CREB3L2: variants seen among roughly 807,000 people sequenced by gnomAD.
CREB3L2 encodes cyclic AMP-responsive element-binding protein 3-like protein 2.
In CREB3L2, 23 loss-of-function variants were observed where a neutral mutation model predicts 57.2. The observed-to-expected ratio is 0.40, with a 90% CI of 0.29 to 0.57. The LOEUF (loss-of-function observed/expected upper bound fraction) is 0.57. Among genes scored for constraint, CREB3L2 ranks in the 20% least tolerant of loss-of-function variants. The pLI, the probability that CREB3L2 is intolerant of heterozygous loss-of-function variation, is 0.42. For synonymous variants in CREB3L2, 268 were observed against 265.1 expected, an observed-to-expected ratio of 1.01 and a Z score of -0.11; for missense variants, 628 against 634.7, an observed-to-expected ratio of 0.99 and a Z score of 0.11.
chr7:137,919,413 C>A (rs1371875917), intron 2 of CREB3L2, among the ~76,000 whole-genome samples: 1 of 152,018 alleles, frequency 6.6e-6, no homozygotes, highest in African/African-American at 2.4e-5. Flanking sequence ...CTCAGGTGAC[C>A]CACCCGCCTC....
At chr7:137,908,090 G>A (rs1157219145) in intron 5 of CREB3L2, among the ~76,000 whole-genome samples, 162 bp downstream of exon 5, 1 of 152,222 alleles carries the variant, frequency 6.6e-6, no homozygotes, top group African/African-American at 2.4e-5. Context: ...TTCCTAGAAA[G>A]TGTTCTTTAG....
chr7:137,975,742 G>A (rs1041504408), intron 1 of CREB3L2, among the ~76,000 whole-genome samples: 1 of 152,172 alleles, frequency 6.6e-6, no homozygotes, highest in Non-Finnish European at 1.5e-5. Context: ...TAAAAAAGAA[G>A]TAAATAAATT....
chr7:137,888,429 C>G (rs1429952248), intron 8 of CREB3L2, among the ~76,000 whole-genome samples: 1 of 152,086 alleles, frequency 6.6e-6, no homozygotes, highest in Non-Finnish European at 1.5e-5. Flanking sequence ...AGGACTTCCC[C>G]AGAAAATTCC....
chr7:137,980,687 A>G lies in CREB3L2; in HGVS notation c.102+20917T>C, dbSNP rs115066714. Among the ~76,000 whole-genome samples the G allele has an allele frequency of 4.7e-3, 710 of 152,324 alleles. 6 individuals carry two copies. Among genetic ancestry groups the G allele is most frequent in the African/African-American group, 0.016 (678 of 41,574 alleles). On this transcript the variant is annotated intron_variant, in intron 1 of 11. Transcript: ENST00000330387. The surrounding 1 kb of genome is among the most constrained non-coding windows in gnomAD (Gnocchi z 4.3). ...ATGGGATTTCTCCATACAGGCTCCA[A>G]AGCTGCTAGAGCTATAGGCTGAAGG...
At chr7:137,896,034 G>A (rs138440612) in intron 8 of CREB3L2, among the ~76,000 whole-genome samples, 107 of 152,334 alleles carry the variant, frequency 7.0e-4, no homozygotes, top group Non-Finnish European at 8.4e-4. Context: ...ATGGGGTGAT[G>A]TGAGTAAAGG....
At chr7:137,949,237 C>T (rs908617436) in intron 1 of CREB3L2, among the ~76,000 whole-genome samples, 1 of 152,220 alleles carries the variant, frequency 6.6e-6, no homozygotes, top group Admixed American at 6.5e-5. Context: ...ATCTCTGCCA[C>T]AGTGAGGCTG....
intron 1 of CREB3L2, among the ~76,000 whole-genome samples, chr7:137,981,088 C>T (rs1801702971): frequency 6.6e-6 from 1 of 152,118 alleles, no homozygotes; most frequent in African/African-American, 2.4e-5. Flanking sequence ...GAGTTCAGGT[C>T]CTCACACCTG....
Position 137,958,819 on chromosome 7 carries a change from C to T in CREB3L2, c.103-30453G>A, listed in dbSNP as rs889369352. 3.3e-5 allele frequency among the ~76,000 whole-genome samples: 5 copies of T among 152,316 alleles called. No individual in the cohort carries two copies. The East Asian group carries it at 9.7e-4, about 29-fold the overall frequency. Reference sequence around the variant, plus strand: ...ATTCTGCCTGACCACTGCTTAGACACAGGTGAGTGGATCTGGTCAGGATTA... The same window carrying T: ...ATTCTGCCTGACCACTGCTTAGACATAGGTGAGTGGATCTGGTCAGGATTA... On this transcript the variant is annotated intron_variant, in intron 1 of 11. Transcript: ENST00000330387.
At chr7:137,996,511 C>A (rs1482778238) in intron 1 of CREB3L2, among the ~76,000 whole-genome samples, 1 of 152,246 alleles carries the variant, frequency 6.6e-6, no homozygotes, top group African/African-American at 2.4e-5. Flanking sequence ...CCTTCAGAAC[C>A]TGGCCTGGGG....
chr7:137,931,031 A>G (rs572537223), intron 1 of CREB3L2, among the ~76,000 whole-genome samples: 2 of 152,158 alleles, frequency 1.3e-5, no homozygotes, highest in Admixed American at 6.5e-5. Flanking sequence ...CAGGAATTCT[A>G]AACCAGCCTG....
At chr7:137,909,845 G>T (rs2076681224) in intron 4 of CREB3L2, among the ~76,000 whole-genome samples, 1 of 152,144 alleles carries the variant, frequency 6.6e-6, no homozygotes, top group African/African-American at 2.4e-5. Context: ...GGACCCAGCG[G>T]GAGATCATTG....
Position 137,936,339 on chromosome 7 carries a change from T to C in CREB3L2, c.103-7973A>G, listed in dbSNP as rs111402359. ...TGTGCACAGGCTAACAGAAGAGTGC[T>C]GCACCAGACCAGTTAGGGACAGGAG... On this transcript the variant is annotated intron_variant, in intron 1 of 11. Coordinates refer to ENST00000330387, the MANE Select transcript of CREB3L2 (RefSeq NM_194071.4). Among the ~76,000 whole-genome samples, 1,166 of 152,308 alleles carry C rather than the reference T, an allele frequency of 7.7e-3. 16 individuals are homozygous for C. The highest frequency in any genetic ancestry group is 0.027 in the African/African-American group (1,103 of 41,560).
intron 1 of CREB3L2, among the ~76,000 whole-genome samples, chr7:137,972,522 A>C (rs1366253308): frequency 6.7e-6 from 1 of 150,206 alleles, no homozygotes; most frequent in African/African-American, 2.4e-5. Context: ...TCTTTTTGTA[A>C]TGAACAATAA....
intron 1 of CREB3L2, among the ~76,000 whole-genome samples, chr7:137,944,273 G>A (rs1037991193): frequency 2.0e-5 from 3 of 150,222 alleles, no homozygotes; most frequent in African/African-American, 7.4e-5. Flanking sequence ...TGTGTGGAAC[G>A]AAGGTGCAGC....
At chr7:137,883,739 T>C (rs1357832925) in intron 10 of CREB3L2, among the ~76,000 whole-genome samples, 2 of 151,716 alleles carry the variant, frequency 1.3e-5, no homozygotes, top group South Asian at 2.1e-4. Flanking sequence ...CTTACTATAG[T>C]GTATTCAGCT....
chr7:137,897,397 T>G (rs1472373950), intron 8 of CREB3L2, among the ~76,000 whole-genome samples: 1 of 152,052 alleles, frequency 6.6e-6, no homozygotes, highest in African/African-American at 2.4e-5. Flanking sequence ...TGAGACAGAG[T>G]CTCGCTCTGT....
chr7:137,953,466 T>A (rs1311131397), intron 1 of CREB3L2: 1 of 1,289,048 alleles, frequency 7.8e-7, no homozygotes, highest in African/African-American at 1.5e-5. Flanking sequence ...TGGTGTATGT[T>A]AAATGTTCTT....
chr7:137,943,743 T>C (rs1209162144), intron 1 of CREB3L2, among the ~76,000 whole-genome samples: 6 of 152,180 alleles, frequency 3.9e-5, no homozygotes, highest in Non-Finnish European at 2.9e-5. Flanking sequence ...GTTGATATTG[T>C]CGATGAGATG....
chr7:137,952,342 C>T (rs1245861053), intron 1 of CREB3L2, among the ~76,000 whole-genome samples: 1 of 152,152 alleles, frequency 6.6e-6, no homozygotes. Context: ...TTTCTATTAA[C>T]CATCTCTTCC....
Sources: allele counts gnomAD v4.1 joint callset (sites outside exome capture counted in the v4.1 genomes callset), GRCh38; gene constraint gnomAD v4.1.1; non-coding constraint Gnocchi (gnomAD v3.1); transcripts MANE v1.5; gene names NCBI Gene and HGNC (gene_info 2026-07-23, HGNC 2026-07-21).